Variants in KCNH1 observed in about 807,000 individuals in gnomAD.
KCNH1 encodes the protein voltage-gated delayed rectifier potassium channel KCNH1.
Under a neutral mutation model 69.2 loss-of-function variants are expected in KCNH1, and 27 were observed. The observed-to-expected ratio is 0.39, with a 90% CI of 0.29 to 0.54. The LOEUF is 0.54. KCNH1 is among the 20% of genes least tolerant of loss of function. The probability of loss-of-function intolerance (pLI) is 0.68; values close to 1 mark genes in which losing one functional copy is unlikely to be tolerated. For missense variants in KCNH1, 798 were observed against 1,261.6 expected, an observed-to-expected ratio of 0.63 and a Z score of 5.57; for synonymous variants, 456 against 487.7, an observed-to-expected ratio of 0.93 and a Z score of 0.86.
chr1:210,859,709 G>T, intron 7 of KCNH1: 3 of 1,219,736 alleles, frequency 2.5e-6, no homozygotes, highest in South Asian at 1.2e-5. Context: ...GGCAAAATCT[G>T]TCCAGAAACC....
intron 6 of KCNH1, among the ~76,000 whole-genome samples, chr1:210,941,765 CAT>C (rs2102588715): frequency 6.6e-6 from 1 of 152,236 alleles, no homozygotes; most frequent in East Asian, 1.9e-4. Context: ...ACAGAGGACT[CAT>C]AGGGAAACAG....
chr1:210,881,063 G>A (rs1344915756), intron 7 of KCNH1, among the ~76,000 whole-genome samples: 6 of 151,204 alleles, frequency 4.0e-5, no homozygotes, highest in Non-Finnish European at 8.8e-5. Flanking sequence ...TGTCACCCAG[G>A]CTGGAGTGCA....
intron 6 of KCNH1, among the ~76,000 whole-genome samples, chr1:210,965,604 T>G (rs1688384006): frequency 6.6e-6 from 1 of 151,340 alleles, no homozygotes; most frequent in African/African-American, 2.4e-5. Context: ...TTACACAGAG[T>G]CAAATCTTGA....
intron 6 of KCNH1, among the ~76,000 whole-genome samples, chr1:210,954,102 G>A (rs1377925731): frequency 6.6e-6 from 1 of 150,850 alleles, no homozygotes; most frequent in Non-Finnish European, 1.5e-5. Context: ...TCCCCGCCTT[G>A]TGTCCAAGTG....
chr1:211,060,400 CAAAAAAAAAAAAAAA>C (rs60620622), intron 5 of KCNH1, among the ~76,000 whole-genome samples: 5 of 44,326 alleles, frequency 1.1e-4, no homozygotes, highest in African/African-American at 6.0e-4. Flanking sequence ...GACTCCGTCT[CAAAAAAAAAAAAAAA>C]AAAAAAAAAA....
chr1:210,831,154 C>T (rs1685154857), intron 7 of KCNH1, among the ~76,000 whole-genome samples: 1 of 152,186 alleles, frequency 6.6e-6, no homozygotes, highest in African/African-American at 2.4e-5. Flanking sequence ...AGGCCAATTA[C>T]TTGCTTTGTG....
intron 10 of KCNH1, among the ~76,000 whole-genome samples, chr1:210,709,661 C>CAGAT (rs1038479956): frequency 6.7e-6 from 1 of 149,058 alleles, no homozygotes; most frequent in Non-Finnish European, 1.5e-5. Context: ...GGTGGATTGA[C>CAGAT]AGATAGACGG....
intron 5 of KCNH1, among the ~76,000 whole-genome samples, chr1:211,022,387 G>A (rs371486242): frequency 5.3e-5 from 8 of 152,148 alleles, no homozygotes; most frequent in East Asian, 3.9e-4. Context: ...ATAAAACTTC[G>A]GGGAAACTCT....
intron 6 of KCNH1, among the ~76,000 whole-genome samples, chr1:210,975,842 G>A (rs940197996): frequency 2.6e-5 from 4 of 152,110 alleles, no homozygotes; most frequent in African/African-American, 7.2e-5. Context: ...AATTTTTGCA[G>A]TCTACTCATC....
intron 5 of KCNH1, among the ~76,000 whole-genome samples, chr1:211,035,236 C>CTTTTTTTTTTTTT (rs765170558): frequency 2.7e-5 from 2 of 75,056 alleles, no homozygotes; most frequent in Non-Finnish European, 4.7e-5. Flanking sequence ...TACTGGCATT[C>CTTTTTTTTTTTTT]TTTTTTTTTT....
intron 6 of KCNH1, among the ~76,000 whole-genome samples, chr1:211,014,319 C>T (rs1231367696): frequency 6.6e-6 from 1 of 152,190 alleles, no homozygotes; most frequent in Non-Finnish European, 1.5e-5. Flanking sequence ...TTTGACATAC[C>T]CGTTCTAAGC....
intron 6 of KCNH1, among the ~76,000 whole-genome samples, chr1:210,967,680 A>G (rs1329373768): frequency 6.6e-6 from 1 of 152,064 alleles, no homozygotes; most frequent in African/African-American, 2.4e-5. Context: ...TGTCCCAATT[A>G]TTAGGTTATA....
chr1:211,002,392 A>C (rs191841713), intron 6 of KCNH1, among the ~76,000 whole-genome samples: 23 of 150,720 alleles, frequency 1.5e-4, no homozygotes, highest in African/African-American at 5.3e-4. Context: ...CTAGGGCCCA[A>C]AACATTTTTT....
intron 10 of KCNH1, among the ~76,000 whole-genome samples, chr1:210,773,130 A>C (rs1465791618): frequency 6.6e-6 from 1 of 152,228 alleles, no homozygotes; most frequent in Non-Finnish European, 1.5e-5. Flanking sequence ...AATACATCAA[A>C]AAATAGCTTA....
intron 10 of KCNH1, among the ~76,000 whole-genome samples, chr1:210,736,130 C>T (rs968351358): frequency 2.0e-5 from 3 of 152,130 alleles, no homozygotes; most frequent in African/African-American, 7.2e-5. Context: ...AGTACAGCGT[C>T]AAACTCCTGG....
intron 6 of KCNH1, among the ~76,000 whole-genome samples, chr1:210,930,195 T>G (rs1249571232): frequency 6.6e-6 from 1 of 152,108 alleles, no homozygotes. Context: ...AAAATTCTTA[T>G]GGAATCAAGA....
chr1:210,920,023 C>T lies in KCNH1; in HGVS notation c.1079G>A (p.Arg360His). Residue 360 changes from arginine (R) to histidine (H), a missense_variant, in exon 7 of 11, where the codon CGT becomes CAT. Around this residue, in one of 4 missense-constraint regions of KCNH1, gnomAD observed 266 missense variants for 457.2 expected, o/e 0.58. Transcript: ENST00000271751. ...CAGCTTACGGGCCACTCGCCCAAGA[C>T]GGAGCAGCCGGACAACTTTTAGAGA... ...FSSLKVVRLL[R>H]LGRVARKLDH... The T allele has an allele frequency of 6.2e-7, 1 of 1,614,126 alleles. No individual in the cohort carries two copies. The highest frequency in any genetic ancestry group is 8.5e-7 in the Non-Finnish European group (1 of 1,180,018).
At position 210,683,513 on chromosome 1, in the gene KCNH1, G is replaced by A. The variant is rs375000301; in HGVS notation, c.2738C>T (p.Ser913Leu). The change falls in exon 11 of 11, where the codon TCG becomes TTG. Residue 913 changes from serine (S) to leucine (L), a missense_variant. Transcript: ENST00000271751. The surrounding 1 kb of genome is among the most constrained non-coding windows in gnomAD (Gnocchi z 5.7). ...CGTCTGCTCAGGGATGGGGTAGAAC[G>A]AATGCTTGACCTCTGCCAGGATGGG... ...RSPILAEVKH[S>L]FYPIPEQTLQ... The A allele has an allele frequency of 6.2e-7, 1 of 1,614,120 alleles. No individual in the cohort carries two copies. Among genetic ancestry groups the A allele is most frequent in the Non-Finnish European group, 8.5e-7 (1 of 1,180,010 alleles).
intron 6 of KCNH1, among the ~76,000 whole-genome samples, chr1:211,007,810 A>G (rs1287482153): frequency 6.6e-6 from 1 of 152,214 alleles, no homozygotes; most frequent in Non-Finnish European, 1.5e-5. Flanking sequence ...ATGATCTCAA[A>G]GTTCTCAGAA....
Sources: gnomAD v4.1 joint callset for allele counts (sites outside exome capture counted in the v4.1 genomes callset) on GRCh38, gnomAD v4.1.1 for gene constraint, gnomAD v4.1.1 regional missense constraint, Gnocchi (gnomAD v3.1) non-coding constraint, MANE v1.5 for transcripts, NCBI Gene and HGNC (gene_info 2026-07-23, HGNC 2026-07-21) for gene names.